COL18A1: variants seen among roughly 807,000 people sequenced by gnomAD.
The protein encoded by COL18A1 is collagen type XVIII alpha 1 chain.
A neutral mutation model predicts 168.0 loss-of-function variants in COL18A1; 133 were observed. The ratio of observed to expected loss-of-function variants is 0.79; its 90% confidence interval spans 0.69 to 0.91. COL18A1 has a LOEUF of 0.91. Among genes scored for constraint, COL18A1 ranks in the 40% least tolerant of loss-of-function variants. The probability of loss-of-function intolerance (pLI) is 0.00; values close to 1 mark genes in which losing one functional copy is unlikely to be tolerated. For synonymous variants in COL18A1, 949 were observed against 809.0 expected (o/e 1.17, Z -2.94); for missense variants, 2,126 against 1,925.4 (o/e 1.10, Z -1.95).
intron 3 of COL18A1, 142 bp downstream of exon 3, chr21:45,468,928 A>G: frequency 2.2e-6 from 2 of 903,058 alleles, no homozygotes; most frequent in Non-Finnish European, 3.3e-6. Context: ...CCTCCAGCGC[A>G]GGCCTCCTGG....
intron 2 of COL18A1, among the ~76,000 whole-genome samples, chr21:45,437,860 T>TCA (rs1313716218): frequency 3.5e-5 from 1 of 28,866 alleles, no homozygotes; most frequent in Admixed American, 3.7e-4. Context: ...ACACTCACAC[T>TCA]CACACTCAGA....
chr21:45,491,250 G>A lies in COL18A1; in HGVS notation c.2093G>A (p.Gly698Glu). The change falls in exon 22 of 42, where the codon GGG (glycine) becomes GAG (glutamate). Residue 698 changes from glycine to glutamate, a missense_variant. By Grantham distance (98) the Gly-to-Glu change is moderately conservative. Transcript: ENST00000651438. ...EKGDPGKDGVGQPGLPGPPGP... is the reference protein window; with the variant it reads ...EKGDPGKDGVEQPGLPGPPGP... ...GGAGATCCAGGGAAGGACGGAGTCG[G>A]GCAGCCGGGCCTCCCTGGCCCCCCC... The A allele has an allele frequency of 6.2e-7, 1 of 1,612,472 alleles. No individual in the cohort carries two copies. The highest frequency in any genetic ancestry group is 1.7e-4 in the Middle Eastern group (1 of 6,056).
chr21:45,492,749 G>GCC (rs768351732), intron 24 of COL18A1, 36 bp downstream of exon 24: 5 of 720,032 alleles, frequency 6.9e-6, no homozygotes, highest in Non-Finnish European at 9.7e-6. Flanking sequence ...ATGCTGCCCG[G>GCC]CTGGGGAGGG....
chr21:45,434,197 CG>C (rs138579785), intron 2 of COL18A1, among the ~76,000 whole-genome samples: 14,930 of 122,452 alleles, frequency 0.12, 725 homozygotes, highest in South Asian at 0.15. Context: ...GTGGCTTCAC[CG>C]GGGGGTGGTG....
chr21:45,512,151 G>C (rs767315562), intron 41 of COL18A1, 37 bp from the exon 42 acceptor site: 2 of 1,591,104 alleles, frequency 1.3e-6, no homozygotes, highest in South Asian at 1.1e-5. Flanking sequence ...AAGCAGAGCA[G>C]GTCTGGGTTT....
chr21:45,456,400 T>G, intron 2 of COL18A1: 2 of 1,546,704 alleles, frequency 1.3e-6, no homozygotes, highest in Non-Finnish European at 1.7e-6. Flanking sequence ...GCGCACTGTC[T>G]CAGGTCGCAG....
intron 2 of COL18A1, among the ~76,000 whole-genome samples, chr21:45,430,784 G>A (rs368953175): frequency 2.6e-5 from 4 of 152,156 alleles, no homozygotes; most frequent in African/African-American, 4.8e-5. Flanking sequence ...GCCCGCACTC[G>A]TCCACCAAAG....
intron 2 of COL18A1, among the ~76,000 whole-genome samples, chr21:45,406,609 G>C (rs1394194138): frequency 1.3e-5 from 2 of 152,084 alleles, no homozygotes; most frequent in Non-Finnish European, 2.9e-5. Context: ...GCGGCCCAGG[G>C]TCACTCGGGG....
At chr21:45,480,351 G>A in intron 11 of COL18A1, 116 bp from the exon 12 acceptor site, 1 of 1,588,182 alleles carries the variant, frequency 6.3e-7, no homozygotes, top group Non-Finnish European at 8.6e-7. Context: ...AGGGGCCGTG[G>A]TTTCTCAGCT....
At chr21:45,488,096 G>C (rs1296840216) in intron 17 of COL18A1, among the ~76,000 whole-genome samples, 1 of 152,180 alleles carries the variant, frequency 6.6e-6, no homozygotes. Context: ...GAGCCCCCGG[G>C]GCCACAGCCC....
Position 45,479,912 on chromosome 21 carries a change from G to A in COL18A1, c.1259G>A (p.Gly420Glu). The A allele has an allele frequency of 6.2e-7, 1 of 1,613,686 alleles. No homozygotes were observed. Among genetic ancestry groups the A allele is most frequent in the African/African-American group, 1.3e-5 (1 of 74,944 alleles). ...PGEDGKPGDT[G>E]PQGFPGTPGD... ...GATGTTGTGTTCCAGGGCGACACCG[G>A]GCCACAAGGCTTCCCCGGGACTCCA... is the stretch of plus-strand genomic sequence containing the variant. The change falls in exon 10 of 42, where the codon GGG becomes GAG. Residue 420 changes from glycine to glutamate, a missense_variant. Gly to Glu is a moderately conservative substitution (Grantham distance 98). Coordinates refer to ENST00000651438, the MANE Select transcript of COL18A1 (RefSeq NM_001379500.1).
In COL18A1 at chr21:45,505,781, G is replaced by A. The variant is rs534094213; in HGVS notation, c.3088-57G>A. 106 of 1,286,280 alleles carry A rather than the reference G, an allele frequency of 8.2e-5. 1 individual carries two copies. The highest frequency in any genetic ancestry group is 6.3e-4 in the South Asian group (50 of 78,878). The allele number at this position is 1,286,280 out of a possible 1,614,324, so 79.7% of individuals were successfully genotyped here. A position where few individuals can be genotyped will look rare whatever the true frequency, so the allele number is the denominator to read the frequency against. On this transcript the variant is annotated intron_variant, in intron 36 of 41. Transcript: ENST00000651438. The stretch of plus-strand genomic sequence containing the variant: ...CCTGAAACGGGCATTCCTTCCTTCC[G>A]CCCCTGCCCCCCGCCCTCCCCGCCA...
Position 45,486,722 on chromosome 21 carries a change from C to T in COL18A1, c.1702-139C>T. 4 of 895,124 alleles carry T rather than the reference C, an allele frequency of 4.5e-6. No individual in the cohort carries two copies. In the South Asian group the frequency reaches 6.6e-5, roughly 15 times the overall value. The allele number at this position is 895,124 out of a possible 1,614,324, so 55.4% of individuals were successfully genotyped here. ...GTTAGAAGAAAGGCTGCTGTGGGGC[C>T]TGCGTTGCTTGGCAGAATGTTCCTT... On this transcript the variant is annotated intron_variant, in intron 15 of 41. Transcript: ENST00000651438.
At chr21:45,510,521 C>A (rs898606568) in intron 40 of COL18A1, among the ~76,000 whole-genome samples, 23 of 152,236 alleles carry the variant, frequency 1.5e-4, no homozygotes, top group Admixed American at 1.4e-3. Context: ...ACCCCCCGCT[C>A]CCCCGGCAGT....
Position 45,468,734 on chromosome 21 carries a change from G to T in COL18A1, c.599G>T (p.Gly200Val). Residue 200 changes from glycine (G) to valine (V), a missense_variant, in exon 3 of 42, where the codon GGC becomes GTC. Coordinates refer to ENST00000651438, the MANE Select transcript of COL18A1 (RefSeq NM_001379500.1). ...TCACGGGGCCTGGAGCTGGAGCCTGGCGCCGGGCTCTTCGTGGCTCAGGCG... is the reference window on the plus strand; with the variant it reads ...TCACGGGGCCTGGAGCTGGAGCCTGTCGCCGGGCTCTTCGTGGCTCAGGCG... ...RSSRGLELEP[G>V]AGLFVAQAGG... is the part of the protein sequence containing the mutation. 1 of 1,610,984 alleles carries T rather than the reference G, an allele frequency of 6.2e-7. No homozygotes were observed.
rs764767690 is a variant in COL18A1, at chr21:45,504,514, CCCCCCAGGCCCCCCA to C, written c.2827_2841del (p.Pro943_Pro947del). ...GCTCCAGCCTGCCCGGCCCCCCCGG[CCCCCCAGGCCCCCCA>C]GGCCCACGTGGCTACCCTGGGATTC... is the stretch of plus-strand genomic sequence containing the variant. On this transcript the variant is annotated inframe_deletion, in exon 34 of 42. Coordinates refer to ENST00000651438, the MANE Select transcript of COL18A1 (RefSeq NM_001379500.1). The C allele has an allele frequency of 2.8e-4, 5 of 18,134 alleles. No homozygotes were observed. The highest frequency in any genetic ancestry group is 1.2e-4 in the Non-Finnish European group (2 of 16,418). 1.1% of individuals were successfully genotyped at this position (18,134 alleles called of 1,614,324 possible).
intron 4 of COL18A1, among the ~76,000 whole-genome samples, chr21:45,474,250 A>AGT (rs540917328): frequency 0.44 from 66,186 of 151,076 alleles, 16,068 homozygotes; most frequent in African/African-American, 0.67. Flanking sequence ...AGCTCAGCAA[A>AGT]GTGTGTGTGT....
At chr21:45,506,781 TTCCCTC>T (rs1489377013) in intron 37 of COL18A1, 154 of 45,998 alleles carry the variant, frequency 3.3e-3, no homozygotes, top group African/African-American at 0.013. Flanking sequence ...CCCTCCCACC[TTCCCTC>T]TGGAGCCCTC....
At chr21:45,419,716 G>T (rs2033560763) in intron 2 of COL18A1, 2 of 152,216 alleles carry the variant, frequency 1.3e-5, no homozygotes, top group Admixed American at 1.3e-4. Flanking sequence ...AAATGTTCAT[G>T]ATTTTTAAAC....
Sources: gnomAD v4.1 joint callset for allele counts (sites outside exome capture counted in the v4.1 genomes callset) on GRCh38, gnomAD v4.1.1 for gene constraint, MANE v1.5 for transcripts, NCBI Gene and HGNC (gene_info 2026-07-23, HGNC 2026-07-21) for gene names.